The following KAZN variants were observed in gnomAD, a reference collection of about 807,000 sequenced individuals.
KAZN encodes the protein kazrin.
KAZN carries 40 observed loss-of-function variants against 87.4 expected under a neutral mutation model. The ratio of observed to expected loss-of-function variants is 0.46; its 90% CI spans 0.36 to 0.60. The LOEUF (loss-of-function observed/expected upper bound fraction) is 0.60. Among genes scored for constraint, KAZN ranks in the 20% least tolerant of loss-of-function variants. The probability of loss-of-function intolerance (pLI) is 0.00; values close to 1 mark genes in which losing one functional copy is unlikely to be tolerated. For synonymous variants in KAZN, 466 were observed against 458.3 expected, an observed-to-expected ratio of 1.02 and a Z score of -0.22; for missense variants, 898 against 1,073.9, an observed-to-expected ratio of 0.84 and a Z score of 2.29.
chr1:14,318,534 T>G (rs560656103), intron 2 of KAZN, among the ~76,000 whole-genome samples: 10 of 152,136 alleles, frequency 6.6e-5, no homozygotes, highest in Non-Finnish European at 1.2e-4. Context: ...TGGTATGGTT[T>G]TCTTTGTGTT....
intron 2 of KAZN, among the ~76,000 whole-genome samples, chr1:14,448,123 G>A (rs559726013): frequency 4.6e-5 from 7 of 152,348 alleles, no homozygotes; most frequent in African/African-American, 1.2e-4. Context: ...GCAGCCATGC[G>A]CTGAGACCTG....
At chr1:14,405,654 A>T (rs2101156851) in intron 2 of KAZN, among the ~76,000 whole-genome samples, 1 of 130,348 alleles carries the variant, frequency 7.7e-6, no homozygotes, top group East Asian at 2.1e-4. Context: ...GTGTTTATAC[A>T]GAGAGAGAGA....
chr1:15,037,292 C>T (rs1004277669), intron 3 of KAZN, among the ~76,000 whole-genome samples: 5 of 152,330 alleles, frequency 3.3e-5, no homozygotes, highest in African/African-American at 1.2e-4. Context: ...GACGTGCTGG[C>T]CCTGGGGCAG....
At chr1:13,948,739 C>A (rs1021712555) in intron 1 of KAZN, among the ~76,000 whole-genome samples, 2 of 152,084 alleles carry the variant, frequency 1.3e-5, no homozygotes, top group Non-Finnish European at 2.9e-5. Context: ...GATGCTCAGT[C>A]CACCATCTCC....
rs554754641 is a variant in KAZN, at chr1:14,691,787, T to G, written c.226+92564T>G. On this transcript the variant is annotated intron_variant, in intron 1 of 14. Coordinates refer to ENST00000376030, the MANE Select transcript of KAZN (RefSeq NM_201628.3). Reference sequence around the variant, plus strand: ...CAGACGTAATCCAAACAACCTCGCCTGGCCTGTCTTCATCTTTAAACATCA... The same window carrying G: ...CAGACGTAATCCAAACAACCTCGCCGGGCCTGTCTTCATCTTTAAACATCA... Among the ~76,000 whole-genome samples the G allele has an allele frequency of 6.6e-5, 10 of 152,294 alleles. No individual in the cohort carries two copies. The East Asian group carries it at 1.7e-3, about 26-fold the overall frequency.
intron 2 of KAZN, among the ~76,000 whole-genome samples, chr1:14,192,530 T>C (rs1330416774): frequency 6.6e-6 from 1 of 152,126 alleles, no homozygotes; most frequent in Non-Finnish European, 1.5e-5. Flanking sequence ...AATATATACG[T>C]GGAGGTGGCA....
chr1:14,801,347 G>A (rs116478803), intron 1 of KAZN, among the ~76,000 whole-genome samples: 2,268 of 152,292 alleles, frequency 0.015, 25 homozygotes, highest in African/African-American at 0.031. Flanking sequence ...GGCGCTCACT[G>A]TCGGTTTCGT....
chr1:15,110,529 TTGTG>T (rs1284164804), intron 13 of KAZN, among the ~76,000 whole-genome samples: 1 of 131,230 alleles, frequency 7.6e-6, no homozygotes, highest in East Asian at 2.2e-4. Flanking sequence ...GTGTATGTGT[TTGTG>T]TGTGTGCATA....
At chr1:14,243,832 T>C (rs1649235566) in intron 2 of KAZN, among the ~76,000 whole-genome samples, 1 of 152,114 alleles carries the variant, frequency 6.6e-6, no homozygotes, top group Non-Finnish European at 1.5e-5. Flanking sequence ...GGAAAACATG[T>C]AATTATGCGT....
intron 1 of KAZN, among the ~76,000 whole-genome samples, chr1:14,847,456 C>T (rs1275274713): frequency 1.3e-5 from 2 of 152,176 alleles, no homozygotes; most frequent in African/African-American, 4.8e-5. Flanking sequence ...AAAGGGATTG[C>T]AGGCCTGGGA....
At chr1:14,939,574 G>A (rs756282020) in intron 1 of KAZN, among the ~76,000 whole-genome samples, 9 of 152,202 alleles carry the variant, frequency 5.9e-5, no homozygotes, top group Non-Finnish European at 1.0e-4. Flanking sequence ...CGCCTGGCCA[G>A]TGATGTTTAT....
chr1:14,080,282 A>G (rs1023060958), intron 1 of KAZN, among the ~76,000 whole-genome samples: 1 of 152,012 alleles, frequency 6.6e-6, no homozygotes, highest in Non-Finnish European at 1.5e-5. Flanking sequence ...AATCTTTCAC[A>G]AAGGATAATA....
At chr1:14,393,480 G>C (rs753200105) in intron 2 of KAZN, among the ~76,000 whole-genome samples, 2 of 152,008 alleles carry the variant, frequency 1.3e-5, no homozygotes, top group Non-Finnish European at 2.9e-5. Flanking sequence ...TGTGCCTTTG[G>C]GGCCAAGGAA....
chr1:14,307,349 TA>T (rs1655001305), intron 2 of KAZN, among the ~76,000 whole-genome samples: 1 of 152,212 alleles, frequency 6.6e-6, no homozygotes, highest in Non-Finnish European at 1.5e-5. Context: ...TGGCTAATTA[TA>T]AAGTCGTTTC....
intron 2 of KAZN, among the ~76,000 whole-genome samples, chr1:14,557,617 AGGGTGTGTGT>A (rs1009491425): frequency 5.3e-5 from 7 of 132,534 alleles, no homozygotes; most frequent in African/African-American, 1.1e-4. Flanking sequence ...CAAAACCAAT[AGGGTGTGTGT>A]GGGTGTGTGT....
chr1:14,147,719 C>A (rs1323012293), intron 1 of KAZN, among the ~76,000 whole-genome samples: 1 of 151,762 alleles, frequency 6.6e-6, no homozygotes, highest in African/African-American at 2.4e-5. Context: ...CCACTTGAAC[C>A]TGGGAGGCAG....
intron 1 of KAZN, among the ~76,000 whole-genome samples, chr1:14,925,971 C>A (rs1180118301): frequency 6.6e-6 from 1 of 152,208 alleles, no homozygotes; most frequent in Non-Finnish European, 1.5e-5. Flanking sequence ...ATTTACCCAT[C>A]TGTACAGTGG....
intron 1 of KAZN, among the ~76,000 whole-genome samples, chr1:14,879,281 T>G (rs12119933): frequency 0.034 from 5,165 of 152,328 alleles, 121 homozygotes; most frequent in Non-Finnish European, 0.047. Flanking sequence ...TGAGGTGGTT[T>G]CTAGCATTAA....
At chr1:14,144,544 C>T (rs1436548506) in intron 1 of KAZN, among the ~76,000 whole-genome samples, 1 of 152,044 alleles carries the variant, frequency 6.6e-6, no homozygotes, top group African/African-American at 2.4e-5. Context: ...CTGCCTCAGC[C>T]TCCCAAAGTG....
Sources: allele counts gnomAD v4.1 joint callset (sites outside exome capture counted in the v4.1 genomes callset), GRCh38; gene constraint gnomAD v4.1.1; transcripts MANE v1.5; gene names NCBI Gene and HGNC (gene_info 2026-07-23, HGNC 2026-07-21).